Variants in ZHX3 observed in about 807,000 individuals in gnomAD.
The protein encoded by ZHX3 is zinc fingers and homeoboxes 3, also known as zinc fingers and homeoboxes protein 3.
ZHX3 carries 20 observed loss-of-function variants against 64.5 expected under a neutral mutation model. The observed-to-expected ratio is 0.31, with a 90% confidence interval of 0.22 to 0.45. The LOEUF (loss-of-function observed/expected upper bound fraction) is 0.45, where lower values mean the gene tolerates loss of function less well. ZHX3 is among the 20% of genes least tolerant of loss of function. ZHX3 has a pLI of 1.00. For missense variants in ZHX3, 1,041 were observed against 1,195.8 expected (o/e 0.87, Z 1.91); for synonymous variants, 423 against 461.6 (o/e 0.92, Z 1.07).
rs1033625032 is a variant in ZHX3, at chr20:41,185,259, G to A, written c.2861-58C>T. 3.0e-5 allele frequency: 46 copies of A among 1,552,258 alleles called. No homozygotes were observed. The highest frequency in any genetic ancestry group is 3.8e-5 in the Non-Finnish European group (44 of 1,145,134). ...GCAGCTGCCACCACCTGCCCCCCAGGCAGCCTGGTCCTTGCTATACCAGGG... is the reference window on the plus strand; with the variant it reads ...GCAGCTGCCACCACCTGCCCCCCAGACAGCCTGGTCCTTGCTATACCAGGG... On this transcript the variant is annotated intron_variant, in intron 3 of 3. Coordinates refer to ENST00000683867, the MANE Select transcript of ZHX3 (RefSeq NM_001384317.1). The surrounding 1 kb of genome is among the most constrained non-coding windows in gnomAD (Gnocchi z 5.0).
intron 2 of ZHX3, among the ~76,000 whole-genome samples, chr20:41,220,266 T>C (rs1034539178): frequency 1.3e-5 from 2 of 152,158 alleles, no homozygotes; most frequent in African/African-American, 4.8e-5. Context: ...GAAGGATGAA[T>C]AAATACTGCC....
At chr20:41,192,119 C>T (rs1437716388) in intron 3 of ZHX3, among the ~76,000 whole-genome samples, 1 of 152,156 alleles carries the variant, frequency 6.6e-6, no homozygotes, top group East Asian at 1.9e-4. Context: ...GTGATATGTG[C>T]TTGTGTTGGC....
chr20:41,302,112 C>A (rs1157761104), intron 1 of ZHX3, among the ~76,000 whole-genome samples: 1 of 149,644 alleles, frequency 6.7e-6, no homozygotes, highest in Non-Finnish European at 1.5e-5. Context: ...GCTCTTCCAA[C>A]CCCGTGCCCA....
At chr20:41,317,392 G>T in intron 1 of ZHX3, 117 bp downstream of exon 1, 1 of 152,956 alleles carries the variant, frequency 6.5e-6, no homozygotes. Context: ...CGCGGGCCAG[G>T]CGTGGCGGGA....
At chr20:41,237,185 C>T (rs1448854520) in intron 2 of ZHX3, among the ~76,000 whole-genome samples, 1 of 152,188 alleles carries the variant, frequency 6.6e-6, no homozygotes, top group Non-Finnish European at 1.5e-5. Flanking sequence ...CTAGTTCAAC[C>T]ATTGTGGAAG....
chr20:41,292,269 T>C (rs1376026864), intron 1 of ZHX3, among the ~76,000 whole-genome samples: 1 of 152,172 alleles, frequency 6.6e-6, no homozygotes, highest in African/African-American at 2.4e-5. Flanking sequence ...GTCTCTAATA[T>C]TTAGGAACCA....
chr20:41,244,736 G>C (rs1219458794), intron 2 of ZHX3, among the ~76,000 whole-genome samples: 1 of 152,182 alleles, frequency 6.6e-6, no homozygotes, highest in Non-Finnish European at 1.5e-5. Context: ...TAATAGAATA[G>C]TCATAATGAA....
intron 1 of ZHX3, among the ~76,000 whole-genome samples, chr20:41,274,390 G>A (rs2146649253): frequency 6.6e-6 from 1 of 152,312 alleles, no homozygotes; most frequent in South Asian, 2.1e-4. Flanking sequence ...TGTCACATTA[G>A]CTACTTCGCC....
chr20:41,237,585 G>A (rs1482813803), intron 2 of ZHX3, among the ~76,000 whole-genome samples: 1 of 152,188 alleles, frequency 6.6e-6, no homozygotes, highest in Non-Finnish European at 1.5e-5. Context: ...GACACAGGAA[G>A]GGGAACATCA....
At chr20:41,192,764 C>T (rs546553980) in intron 3 of ZHX3, among the ~76,000 whole-genome samples, 178 of 152,324 alleles carry the variant, frequency 1.2e-3, no homozygotes, top group Non-Finnish European at 5.9e-4. Flanking sequence ...CTTGCTGTAG[C>T]TGTTTTGTTC....
chr20:41,209,288 C>T (rs2038973397), intron 2 of ZHX3, among the ~76,000 whole-genome samples: 1 of 152,072 alleles, frequency 6.6e-6, no homozygotes, highest in Non-Finnish European at 1.5e-5. Flanking sequence ...AGATTCAATG[C>T]CATCCCCATC....
chr20:41,216,722 T>C (rs916719457), intron 2 of ZHX3, among the ~76,000 whole-genome samples: 1 of 152,228 alleles, frequency 6.6e-6, no homozygotes, highest in Non-Finnish European at 1.5e-5. Flanking sequence ...ATTTCTGAAA[T>C]ACTGAATTTC....
intron 1 of ZHX3, among the ~76,000 whole-genome samples, chr20:41,302,740 C>T (rs1266821433): frequency 6.6e-6 from 1 of 152,238 alleles, no homozygotes; most frequent in African/African-American, 2.4e-5. Context: ...GCCACTGACA[C>T]CCAGGGCAAC....
chr20:41,193,284 A>G (rs117476861), intron 3 of ZHX3, among the ~76,000 whole-genome samples: 72 of 152,314 alleles, frequency 4.7e-4, no homozygotes, highest in Admixed American at 1.1e-3. Flanking sequence ...TCAATCCATG[A>G]ACATGGGATA....
chr20:41,207,696 T>C (rs2038833304), intron 2 of ZHX3, among the ~76,000 whole-genome samples: 1 of 152,230 alleles, frequency 6.6e-6, no homozygotes, highest in African/African-American at 2.4e-5. Flanking sequence ...TTTAAAGCAG[T>C]GTGTAGAGGG....
At chr20:41,233,706 G>C (rs2040775966) in intron 2 of ZHX3, among the ~76,000 whole-genome samples, 1 of 152,190 alleles carries the variant, frequency 6.6e-6, no homozygotes. Context: ...AAAGGCAATG[G>C]AGAGACCGGA....
Position 41,212,145 on chromosome 20 carries a change from A to G in ZHX3, c.-150-7079T>C, listed in dbSNP as rs1184570901. 2.6e-5 allele frequency among the ~76,000 whole-genome samples: 4 copies of G among 152,242 alleles called. No individual in the cohort carries two copies. The highest frequency in any genetic ancestry group is 4.4e-5 in the Non-Finnish European group (3 of 68,048). On this transcript the variant is annotated intron_variant, in intron 2 of 3. Transcript: ENST00000683867. This position sits in a 1 kb window ranked among gnomAD's most constrained non-coding sequence, Gnocchi z 4.3. ...GAAAGAAAAGGTTTGCAAATCATCT[A>G]TCTGGTAAAGTATATCCAGATTATA...
chr20:41,207,735 G>A (rs2038838057), intron 2 of ZHX3, among the ~76,000 whole-genome samples: 1 of 152,218 alleles, frequency 6.6e-6, no homozygotes, highest in African/African-American at 2.4e-5. Context: ...GCCCACAAGA[G>A]AAAGCAGGAA....
chr20:41,312,692 A>G (rs969944293), intron 1 of ZHX3, among the ~76,000 whole-genome samples: 1 of 152,194 alleles, frequency 6.6e-6, no homozygotes, highest in African/African-American at 2.4e-5. Context: ...GGATCTTTCT[A>G]TGAGACAAGT....
Sources: allele counts gnomAD v4.1 joint callset (sites outside exome capture counted in the v4.1 genomes callset), GRCh38; gene constraint gnomAD v4.1.1; non-coding constraint Gnocchi (gnomAD v3.1); transcripts MANE v1.5; gene names NCBI Gene and HGNC (gene_info 2026-07-23, HGNC 2026-07-21).